CFAP77: variants seen among roughly 807,000 people sequenced by gnomAD.
CFAP77 encodes cilia- and flagella-associated protein 77.
In CFAP77, 25 loss-of-function variants were observed where a neutral mutation model predicts 31.1. The observed-to-expected ratio is 0.80, with a 90% CI of 0.59 to 1.12. CFAP77 has a LOEUF of 1.12. CFAP77 is among the 50% of genes most tolerant of loss of function. CFAP77 has a pLI of 0.00. For synonymous variants in CFAP77, 151 were observed against 159.9 expected, an observed-to-expected ratio of 0.94 and a Z score of 0.42; for missense variants, 377 against 397.3, an observed-to-expected ratio of 0.95 and a Z score of 0.44.
In CFAP77 at chr9:132,490,225, C is replaced by T. The variant is rs1851630713; in HGVS notation, c.196-8470C>T. Among the ~76,000 whole-genome samples the T allele has an allele frequency of 1.3e-5, 2 of 152,296 alleles. No individual in the cohort carries two copies. The highest frequency in any genetic ancestry group is 4.1e-4 in the South Asian group (2 of 4,826). On this transcript the variant is annotated intron_variant, in intron 1 of 5. Coordinates refer to ENST00000393216, the MANE Select transcript of CFAP77 (RefSeq NM_001282957.2). This position sits in a 1 kb window ranked among gnomAD's most constrained non-coding sequence, Gnocchi z 4.6. The stretch of plus-strand genomic sequence containing the variant: ...AGAGCCCTCATGACTCAACCACCCC[C>T]TAAAGGCCACACCCCTGAATACTGT...
chr9:132,426,505 A>G (rs980757823), intron 1 of CFAP77, among the ~76,000 whole-genome samples: 2 of 96,110 alleles, frequency 2.1e-5, no homozygotes, highest in Admixed American at 3.4e-4. Flanking sequence ...CCCGCCAGTT[A>G]TTAAAAGGCT....
chr9:132,502,770 C>G lies in CFAP77; in HGVS notation c.524+3170C>G, dbSNP rs189859178. Among the ~76,000 whole-genome samples, 489 of 152,264 alleles carry G rather than the reference C, an allele frequency of 3.2e-3. 3 individuals carry two copies. Among genetic ancestry groups the G allele is most frequent in the Non-Finnish European group, 5.7e-3 (387 of 68,020 alleles). ...TGAATAATGTTGCTGTGGACGTGGACGGACACGTGTCTGTTCCAGTCTTGC... is the reference window on the plus strand; with the variant it reads ...TGAATAATGTTGCTGTGGACGTGGAGGGACACGTGTCTGTTCCAGTCTTGC... On this transcript the variant is annotated intron_variant, in intron 3 of 5. Coordinates refer to ENST00000393216, the MANE Select transcript of CFAP77 (RefSeq NM_001282957.2).
intron 1 of CFAP77, among the ~76,000 whole-genome samples, chr9:132,496,917 G>A (rs146922267): frequency 3.3e-5 from 5 of 152,320 alleles, no homozygotes; most frequent in African/African-American, 9.6e-5. Flanking sequence ...AAACCATGAG[G>A]GTGGCAAGTT....
At chr9:132,471,450 C>T (rs932523494) in intron 1 of CFAP77, among the ~76,000 whole-genome samples, 5 of 151,994 alleles carry the variant, frequency 3.3e-5, no homozygotes, top group Admixed American at 6.6e-5. Flanking sequence ...AGGACCCCCC[C>T]CCACCGTTGC....
intron 1 of CFAP77, 142 bp downstream of exon 1, chr9:132,410,608 G>A (rs780856788): frequency 1.0e-5 from 7 of 699,728 alleles, no homozygotes; most frequent in Non-Finnish European, 1.1e-5. Flanking sequence ...GTCCAGACAG[G>A]CCTGGACCCC....
At chr9:132,411,417 G>A (rs1849997435) in intron 1 of CFAP77, among the ~76,000 whole-genome samples, 1 of 152,220 alleles carries the variant, frequency 6.6e-6, no homozygotes, top group Non-Finnish European at 1.5e-5. Flanking sequence ...GGGAACCCGT[G>A]CTAGAATTAA....
At chr9:132,458,156 AT>A (rs1274648691) in intron 1 of CFAP77, among the ~76,000 whole-genome samples, 1 of 152,218 alleles carries the variant, frequency 6.6e-6, no homozygotes, top group Non-Finnish European at 1.5e-5. Flanking sequence ...GGGCGAAGGA[AT>A]GAAAATCCTG....
intron 3 of CFAP77, among the ~76,000 whole-genome samples, chr9:132,531,635 G>A (rs900668753): frequency 1.4e-5 from 2 of 141,802 alleles, no homozygotes; most frequent in Non-Finnish European, 3.1e-5. Context: ...TGGGGGGGGG[G>A]GCATGGAAGG....
At position 132,459,072 on chromosome 9, in the gene CFAP77, A is replaced by ATT. The variant is rs1158796525; in HGVS notation, c.196-39607_196-39606dup. Among the ~76,000 whole-genome samples the ATT allele has an allele frequency of 2.2e-3, 228 of 104,486 alleles. 2 individuals carry two copies. Among genetic ancestry groups the ATT allele is most frequent in the Middle Eastern group, 0.018 (4 of 226 alleles). The allele number at this position is 104,486 out of a possible 152,430, so 68.5% of individuals were successfully genotyped here. ...CAGCCCAGTCTACAGCCCTGAAACT[A>ATT]TTTTTTTTTTTTTTTTTGAGACAGA... On this transcript the variant is annotated intron_variant, in intron 1 of 5. Coordinates refer to ENST00000393216, the MANE Select transcript of CFAP77 (RefSeq NM_001282957.2).
intron 1 of CFAP77, among the ~76,000 whole-genome samples, chr9:132,430,779 G>T (rs1202426211): frequency 6.6e-6 from 1 of 151,670 alleles, no homozygotes; most frequent in Admixed American, 6.6e-5. Flanking sequence ...CCCTCCCAGA[G>T]ATAACATTTA....
intron 1 of CFAP77, among the ~76,000 whole-genome samples, chr9:132,438,532 TATATATA>T (rs1297758734): frequency 0.012 from 1,473 of 118,102 alleles, 35 homozygotes; most frequent in African/African-American, 0.052. Flanking sequence ...TATATATATA[TATATATA>T]TATTTTTTTT....
intron 1 of CFAP77, among the ~76,000 whole-genome samples, chr9:132,471,569 T>A (rs956866840): frequency 2.0e-5 from 3 of 152,106 alleles, no homozygotes. Context: ...TTTTATGTTG[T>A]GCTATAAACA....
intron 1 of CFAP77, among the ~76,000 whole-genome samples, chr9:132,426,422 G>A (rs1026953410): frequency 2.6e-5 from 4 of 152,120 alleles, no homozygotes; most frequent in South Asian, 2.1e-4. Flanking sequence ...AAGTTGGGGG[G>A]AAATGAGAAA....
At chr9:132,538,719 A>G (rs1852588397) in intron 4 of CFAP77, among the ~76,000 whole-genome samples, 2 of 152,144 alleles carry the variant, frequency 1.3e-5, no homozygotes, top group Admixed American at 1.3e-4. Context: ...CGGAGGTTGC[A>G]GTGAGCTGAG....
At chr9:132,474,469 G>A (rs1388869121) in intron 1 of CFAP77, among the ~76,000 whole-genome samples, 2 of 152,178 alleles carry the variant, frequency 1.3e-5, no homozygotes, top group African/African-American at 2.4e-5. Flanking sequence ...GCAGGGATGC[G>A]GCTAGTTCAC....
chr9:132,518,960 G>A (rs1852197548), intron 3 of CFAP77, among the ~76,000 whole-genome samples: 1 of 152,258 alleles, frequency 6.6e-6, no homozygotes, highest in South Asian at 2.1e-4. Flanking sequence ...GCGTTCCCTG[G>A]GCCTCAGATT....
chr9:132,514,766 G>C (rs1445343799), intron 3 of CFAP77, among the ~76,000 whole-genome samples: 2 of 152,222 alleles, frequency 1.3e-5, no homozygotes, highest in Non-Finnish European at 2.9e-5. Flanking sequence ...CAATTAAAAA[G>C]TAGCCACAAG....
chr9:132,435,103 T>C (rs1193293823), intron 1 of CFAP77, among the ~76,000 whole-genome samples: 2 of 152,246 alleles, frequency 1.3e-5, no homozygotes, highest in Admixed American at 1.3e-4. Flanking sequence ...TGTTGTGGGC[T>C]GTAATGATTT....
chr9:132,517,795 A>G lies in CFAP77; in HGVS notation c.524+18195A>G, dbSNP rs1265469730. On this transcript the variant is annotated intron_variant, in intron 3 of 5. Transcript: ENST00000393216. This position sits in a 1 kb window ranked among gnomAD's most constrained non-coding sequence, Gnocchi z 4.7. ...CAAAGTGTCAGCCTAATGTTTGCAAATGATAATTTCCATTTCCCCTGCACA... is the reference window on the plus strand; with the variant it reads ...CAAAGTGTCAGCCTAATGTTTGCAAGTGATAATTTCCATTTCCCCTGCACA... Among the ~76,000 whole-genome samples, 1 of 152,212 alleles carries G rather than the reference A, an allele frequency of 6.6e-6. No individual in the cohort carries two copies. The highest frequency in any genetic ancestry group is 2.4e-5 in the African/African-American group (1 of 41,444).
Sources: gnomAD v4.1 joint callset for allele counts (sites outside exome capture counted in the v4.1 genomes callset) on GRCh38, gnomAD v4.1.1 for gene constraint, Gnocchi (gnomAD v3.1) non-coding constraint, MANE v1.5 for transcripts, NCBI Gene and HGNC (gene_info 2026-07-23, HGNC 2026-07-21) for gene names.